Variants in PRMT3 observed in about 807,000 individuals in gnomAD.
PRMT3 encodes the protein protein arginine N-methyltransferase 3.
PRMT3 carries 62 observed loss-of-function variants against 71.9 expected under a neutral mutation model. The ratio of observed to expected loss-of-function variants is 0.86; its 90% CI spans 0.70 to 1.07. The LOEUF (loss-of-function observed/expected upper bound fraction) is 1.07, where lower values mean the gene tolerates loss of function less well. Among genes scored for constraint, PRMT3 ranks in the 50% least tolerant of loss-of-function variants. The pLI is 0.00. For synonymous variants in PRMT3, 213 were observed against 220.4 expected, an observed-to-expected ratio of 0.97 and a Z score of 0.30; for missense variants, 663 against 643.0, an observed-to-expected ratio of 1.03 and a Z score of -0.34.
chr11:20,414,546 T>C (rs1265419903), intron 9 of PRMT3, among the ~76,000 whole-genome samples: 1 of 152,164 alleles, frequency 6.6e-6, no homozygotes, highest in Non-Finnish European at 1.5e-5. Flanking sequence ...TGCCAGACAG[T>C]TGTATACTGT....
chr11:20,502,445 A>C (rs1851480024), intron 15 of PRMT3, among the ~76,000 whole-genome samples: 1 of 152,236 alleles, frequency 6.6e-6, no homozygotes, highest in African/African-American at 2.4e-5. Flanking sequence ...TCATTTTAAG[A>C]AATGAAAATC....
chr11:20,398,234 A>G (rs1848874100), intron 7 of PRMT3, among the ~76,000 whole-genome samples: 1 of 152,184 alleles, frequency 6.6e-6, no homozygotes, highest in South Asian at 2.1e-4. Context: ...TGTTTTAAAT[A>G]GCCATACTGA....
At chr11:20,487,197 C>T (rs969360063) in intron 13 of PRMT3, among the ~76,000 whole-genome samples, 1 of 152,052 alleles carries the variant, frequency 6.6e-6, no homozygotes, top group African/African-American at 2.4e-5. Flanking sequence ...GCAAATGATC[C>T]CTGATGGAAG....
intron 9 of PRMT3, among the ~76,000 whole-genome samples, chr11:20,419,129 A>C (rs1159186508): frequency 6.6e-6 from 1 of 152,228 alleles, no homozygotes; most frequent in Non-Finnish European, 1.5e-5. Flanking sequence ...TGATTATACC[A>C]CTTTATCTTA....
At chr11:20,503,106 G>A (rs1851497261) in intron 15 of PRMT3, among the ~76,000 whole-genome samples, 1 of 152,022 alleles carries the variant, frequency 6.6e-6, no homozygotes, top group African/African-American at 2.4e-5. Context: ...CAAAGACACT[G>A]CTTTAATTTG....
intron 9 of PRMT3, among the ~76,000 whole-genome samples, chr11:20,409,654 A>AACAGACACAC (rs1555008185): frequency 6.2e-5 from 9 of 144,332 alleles, no homozygotes; most frequent in African/African-American, 2.3e-4. Flanking sequence ...GGAATACACA[A>AACAGACACAC]ACACACACAC....
At chr11:20,422,781 G>A (rs1273914779) in intron 9 of PRMT3, among the ~76,000 whole-genome samples, 1 of 152,140 alleles carries the variant, frequency 6.6e-6, no homozygotes, top group East Asian at 1.9e-4. Flanking sequence ...TCAGACACAC[G>A]TGAACCTAAT....
chr11:20,427,028 T>C (rs769049414), intron 10 of PRMT3, among the ~76,000 whole-genome samples, 163 bp downstream of exon 10: 4 of 152,220 alleles, frequency 2.6e-5, no homozygotes, highest in Non-Finnish European at 2.9e-5. Flanking sequence ...AAAAAATAGC[T>C]ACAGTCTTCT....
intron 15 of PRMT3, among the ~76,000 whole-genome samples, chr11:20,505,369 G>T (rs556030782): frequency 6.6e-6 from 1 of 152,154 alleles, no homozygotes; most frequent in African/African-American, 2.4e-5. Flanking sequence ...TCCATTATCT[G>T]TCTTTTCATA....
chr11:20,479,143 C>T (rs1374929155), intron 13 of PRMT3, among the ~76,000 whole-genome samples: 1 of 152,176 alleles, frequency 6.6e-6, no homozygotes, highest in Non-Finnish European at 1.5e-5. Flanking sequence ...TGGTTTTAGG[C>T]TCCTCCTTGT....
chr11:20,422,862 G>A (rs1849457594), intron 9 of PRMT3, among the ~76,000 whole-genome samples: 1 of 152,146 alleles, frequency 6.6e-6, no homozygotes, highest in Non-Finnish European at 1.5e-5. Flanking sequence ...CAGGCAATCA[G>A]GGGACTCAGA....
At chr11:20,426,674 A>G (rs994855072) in intron 9 of PRMT3, 92 bp from the exon 10 acceptor site, 3 of 1,245,640 alleles carry the variant, frequency 2.4e-6, no homozygotes, top group Admixed American at 8.5e-5. Flanking sequence ...TTTGTCCCAC[A>G]AAACAATACG....
chr11:20,406,340 C>T (rs1462398255), intron 8 of PRMT3: 4 of 152,168 alleles, frequency 2.6e-5, no homozygotes, highest in Non-Finnish European at 5.9e-5. Flanking sequence ...CGAATGTTTT[C>T]GATTAGCAGT....
At chr11:20,475,546 A>T (rs1457872219) in intron 13 of PRMT3, among the ~76,000 whole-genome samples, 1 of 146,760 alleles carries the variant, frequency 6.8e-6, no homozygotes, top group Admixed American at 6.9e-5. Flanking sequence ...AAACATTGTT[A>T]TGTGGCACAT....
intron 6 of PRMT3, among the ~76,000 whole-genome samples, chr11:20,397,181 A>T (rs541650294): frequency 3.3e-5 from 5 of 152,374 alleles, no homozygotes; most frequent in African/African-American, 1.2e-4. Flanking sequence ...TTCTGCTTAC[A>T]TAATACTCCC....
chr11:20,458,098 C>G (rs1163209021), intron 11 of PRMT3, among the ~76,000 whole-genome samples: 1 of 152,030 alleles, frequency 6.6e-6, no homozygotes, highest in Non-Finnish European at 1.5e-5. Context: ...TGGTGACTTT[C>G]TAGTACATTT....
At position 20,463,746 on chromosome 11, in the gene PRMT3, T is replaced by A. The variant is rs185627831; in HGVS notation, c.1261-714T>A. ...GTTATGATCTACTCCTGGCTGGATC[T>A]ACTCAGCTGATGACGGTCTTTACAG... On this transcript the variant is annotated intron_variant, in intron 12 of 15. Coordinates refer to ENST00000331079, the MANE Select transcript of PRMT3 (RefSeq NM_005788.4). 4.6e-5 allele frequency among the ~76,000 whole-genome samples: 7 copies of A among 152,352 alleles called. No individual in the cohort carries two copies. The East Asian group carries it at 1.4e-3, about 29-fold the overall frequency.
intron 9 of PRMT3, among the ~76,000 whole-genome samples, chr11:20,414,920 A>G (rs942596402): frequency 1.3e-5 from 2 of 152,046 alleles, no homozygotes; most frequent in Non-Finnish European, 2.9e-5. Context: ...AACACCTAAC[A>G]AAGTGTCTGA....
chr11:20,494,392 A>G (rs1590109750), intron 15 of PRMT3, 138 bp downstream of exon 15: 1 of 752,550 alleles, frequency 1.3e-6, no homozygotes, highest in Non-Finnish European at 2.2e-6. Context: ...AGGCTGGAGA[A>G]CAGTGATCTC....
Sources: allele counts gnomAD v4.1 joint callset (sites outside exome capture counted in the v4.1 genomes callset), GRCh38; gene constraint gnomAD v4.1.1; transcripts MANE v1.5; gene names NCBI Gene and HGNC (gene_info 2026-07-23, HGNC 2026-07-21).